KCNG2: variants seen among roughly 807,000 people sequenced by gnomAD.
KCNG2 encodes voltage-gated potassium channel regulatory subunit KCNG2.
A neutral mutation model predicts 12.3 loss-of-function variants in KCNG2; 7 were observed. The observed-to-expected ratio is 0.57, with a 90% CI of 0.32 to 1.07. KCNG2 has a LOEUF of 1.07. Ranked by LOEUF, KCNG2 falls within the 50% of genes least tolerant of loss-of-function variation. KCNG2 has a pLI of 0.04. For missense variants in KCNG2, 703 were observed against 726.0 expected (o/e 0.97, Z 0.36); for synonymous variants, 414 against 351.4 (o/e 1.18, Z -1.99).
chr18:79,891,364 G>A (rs1980737976), intron 3 of KCNG2, among the ~76,000 whole-genome samples: 1 of 152,010 alleles, frequency 6.6e-6, no homozygotes, highest in Admixed American at 6.5e-5. Context: ...CCAAGTAGCT[G>A]GGACTGCAGG....
At chr18:79,863,011 G>A (rs1288179755) in intron 2 of KCNG2, among the ~76,000 whole-genome samples, 1 of 152,214 alleles carries the variant, frequency 6.6e-6, no homozygotes, top group African/African-American at 2.4e-5. Flanking sequence ...CCCCACGGTT[G>A]GTGCAAGCTT....
intron 3 of KCNG2, among the ~76,000 whole-genome samples, chr18:79,885,466 T>C (rs1413018856): frequency 1.3e-5 from 2 of 152,212 alleles, no homozygotes; most frequent in Non-Finnish European, 2.9e-5. Flanking sequence ...GCAGACCCGG[T>C]CCAGGTGGTT....
At chr18:79,883,923 C>T (rs962678821) in intron 3 of KCNG2, among the ~76,000 whole-genome samples, 22 of 152,196 alleles carry the variant, frequency 1.4e-4, no homozygotes, top group Non-Finnish European at 7.4e-5. Context: ...CCCACCGGCA[C>T]GTCCACGAGG....
intron 3 of KCNG2, among the ~76,000 whole-genome samples, chr18:79,879,930 T>C (rs557933289): frequency 6.6e-6 from 1 of 152,216 alleles, no homozygotes; most frequent in South Asian, 2.1e-4. Context: ...CACTAAGCAG[T>C]TCTGGAATGA....
intron 3 of KCNG2, among the ~76,000 whole-genome samples, chr18:79,874,908 TG>T (rs1980008136): frequency 1.3e-5 from 2 of 151,704 alleles, no homozygotes; most frequent in Non-Finnish European, 2.9e-5. Flanking sequence ...GTGGTAGGAG[TG>T]GGGGTTCCTG....
At chr18:79,809,506 CTGAGGAGCT>C in intron 1 of KCNG2, among the ~76,000 whole-genome samples, 7 of 98,284 alleles carry the variant, frequency 7.1e-5, no homozygotes, top group African/African-American at 2.7e-4. Flanking sequence ...AGTCCGCGCT[CTGAGGAGCT>C]GCCGGGGCCG....
At position 79,803,942 on chromosome 18, in the gene KCNG2, C is replaced by T. The variant is rs1170297909; in HGVS notation, c.-115+5928C>T. 3.9e-5 allele frequency among the ~76,000 whole-genome samples: 6 copies of T among 152,230 alleles called. No individual in the cohort carries two copies. The highest frequency in any genetic ancestry group is 3.9e-4 in the Admixed American group (6 of 15,284). On this transcript the variant is annotated intron_variant, in intron 1 of 3. Transcript: ENST00000316249. This position sits in a 1 kb window ranked among gnomAD's most constrained non-coding sequence, Gnocchi z 4.5. ...TGGCCTGGCCGTGTCACTCCTATCT[C>T]ACCTTCAGGGAGCTCTAGCCTGCAG...
At chr18:79,863,598 C>T in intron 2 of KCNG2, 30 bp from the exon 3 acceptor site, 8 of 1,169,980 alleles carry the variant, frequency 6.8e-6, no homozygotes, top group East Asian at 3.9e-5. Context: ...TCAGCCCTCG[C>T]GACCCTAACG....
At chr18:79,834,811 G>A (rs576380249) in intron 1 of KCNG2, among the ~76,000 whole-genome samples, 1 of 152,194 alleles carries the variant, frequency 6.6e-6, no homozygotes, top group Non-Finnish European at 1.5e-5. Flanking sequence ...AAACATTCTT[G>A]AGCAGGAGGA....
intron 1 of KCNG2, among the ~76,000 whole-genome samples, chr18:79,854,648 C>T (rs1353748663): frequency 1.3e-5 from 2 of 151,992 alleles, no homozygotes; most frequent in Non-Finnish European, 2.9e-5. Context: ...GCCTCAGCCT[C>T]CCGAGTAGCT....
At chr18:79,828,555 C>G (rs1568248371) in intron 1 of KCNG2, among the ~76,000 whole-genome samples, 1 of 149,816 alleles carries the variant, frequency 6.7e-6, no homozygotes, top group African/African-American at 2.5e-5. Context: ...ATCTGTGTGT[C>G]TATCTGTGTG....
At chr18:79,895,615 T>C (rs911956661) in intron 3 of KCNG2, among the ~76,000 whole-genome samples, 2 of 151,948 alleles carry the variant, frequency 1.3e-5, no homozygotes, top group African/African-American at 4.8e-5. Flanking sequence ...TTCTTAACGA[T>C]TGATATAGTT....
intron 3 of KCNG2, among the ~76,000 whole-genome samples, chr18:79,875,276 C>T (rs564178621): frequency 6.6e-6 from 1 of 152,152 alleles, no homozygotes; most frequent in African/African-American, 2.4e-5. Context: ...AGAGCACTGC[C>T]CAGAGCCCAA....
At chr18:79,876,661 C>T (rs1445670201) in intron 3 of KCNG2, among the ~76,000 whole-genome samples, 3 of 152,238 alleles carry the variant, frequency 2.0e-5, no homozygotes, top group Non-Finnish European at 4.4e-5. Context: ...GCAGGGCCAG[C>T]CCCCTCTCTC....
chr18:79,896,976 G>A lies in KCNG2; in HGVS notation c.625-2064G>A, dbSNP rs188185335. On this transcript the variant is annotated intron_variant, in intron 3 of 3. Coordinates refer to ENST00000316249, the MANE Select transcript of KCNG2 (RefSeq NM_012283.2). ...TTATTTGTGAACTTCCCTTGTAAGT[G>A]ATCTTCATTTTGCTCTTGCTGCTTC... is the stretch of plus-strand genomic sequence containing the variant. Among the ~76,000 whole-genome samples the A allele has an allele frequency of 4.7e-3, 722 of 152,276 alleles. 8 individuals are homozygous for A. The highest frequency in any genetic ancestry group is 7.4e-3 in the Non-Finnish European group (506 of 68,030).
intron 2 of KCNG2, among the ~76,000 whole-genome samples, chr18:79,857,567 CT>C: frequency 6.6e-6 from 1 of 152,200 alleles, no homozygotes; most frequent in South Asian, 2.1e-4. Context: ...ACCACGCCCC[CT>C]CTTCTCTGGT....
intron 1 of KCNG2, among the ~76,000 whole-genome samples, chr18:79,846,414 G>C (rs1416831011): frequency 7.7e-6 from 1 of 129,264 alleles, no homozygotes; most frequent in Non-Finnish European, 1.7e-5. Context: ...CTCTGTCTCA[G>C]AAAAAAAAAA....
Position 79,798,032 on chromosome 18 carries a change from G to C in KCNG2, c.-115+18G>C, listed in dbSNP as rs572661012. ...GACCGCAGGTAAAGTTGAGCGCGCCGTGGGGCCGGGGGTGGGGGGTCCGCG... is the reference window on the plus strand; with the variant it reads ...GACCGCAGGTAAAGTTGAGCGCGCCCTGGGGCCGGGGGTGGGGGGTCCGCG... On this transcript the variant is annotated intron_variant, in intron 1 of 3. Coordinates refer to ENST00000316249, the MANE Select transcript of KCNG2 (RefSeq NM_012283.2). Among the ~76,000 whole-genome samples, 7 of 150,544 alleles carry C rather than the reference G, an allele frequency of 4.6e-5. No homozygotes were observed. The East Asian group carries it at 1.2e-3, about 25-fold the overall frequency.
At chr18:79,893,790 G>A (rs529091295) in intron 3 of KCNG2, among the ~76,000 whole-genome samples, 11 of 150,380 alleles carry the variant, frequency 7.3e-5, no homozygotes, top group South Asian at 6.4e-4. Context: ...CGTTCATAAC[G>A]ATTGAAATAG....
Sources: gnomAD v4.1 joint callset for allele counts (sites outside exome capture counted in the v4.1 genomes callset) on GRCh38, gnomAD v4.1.1 for gene constraint, Gnocchi (gnomAD v3.1) non-coding constraint, MANE v1.5 for transcripts, NCBI Gene and HGNC (gene_info 2026-07-23, HGNC 2026-07-21) for gene names.